Variants in SHF observed in about 807,000 individuals in gnomAD.
The protein encoded by SHF is Src homology 2 domain containing F.
In SHF, 30 loss-of-function variants were observed where a neutral mutation model predicts 42.4. That is an observed-to-expected ratio of 0.71 (90% confidence interval 0.53 to 0.96). SHF has a LOEUF of 0.96. Ranked by LOEUF, SHF falls within the 40% of genes least tolerant of loss-of-function variation. The pLI is 0.00. For missense variants in SHF, 598 were observed against 634.0 expected (o/e 0.94, Z 0.61); for synonymous variants, 264 against 269.9 (o/e 0.98, Z 0.21).
intron 6 of SHF, among the ~76,000 whole-genome samples, chr15:45,168,768 C>T (rs542692806): frequency 1.3e-5 from 2 of 152,328 alleles, no homozygotes; most frequent in East Asian, 3.9e-4. Flanking sequence ...ATTTATCCGG[C>T]CCTTCAGCCT....
At position 45,187,839 on chromosome 15, in the gene SHF, C is replaced by T; in HGVS notation, c.113G>A (p.Gly38Asp). The T allele has an allele frequency of 1.0e-6, 1 of 998,830 alleles. No individual in the cohort carries two copies. Among genetic ancestry groups the T allele is most frequent in the Non-Finnish European group, 1.3e-6 (1 of 787,008 alleles). 61.9% of individuals were successfully genotyped at this position (998,830 alleles called of 1,614,324 possible). The change falls in exon 1 of 7, where the codon GGC (glycine) becomes GAC (aspartate). Residue 38 changes from glycine to aspartate, a missense_variant. Gly to Asp is a moderately conservative substitution (Grantham distance 94). Coordinates refer to ENST00000690270, the MANE Select transcript of SHF (RefSeq NM_001394037.1). ...SRRGAGGAGA[G>D]PGGGGSGGVA... is the part of the protein sequence containing the mutation. The stretch of plus-strand genomic sequence containing the variant: ...TCCGCCGCTGCCGCCCCCTCCTGGG[C>T]CGGCTCCCGCACCCCCGGCGCCCCG...
In SHF at chr15:45,187,672, G is replaced by C; in HGVS notation, c.280C>G (p.Leu94Val). The C allele has an allele frequency of 8.2e-7, 1 of 1,224,054 alleles. No individual in the cohort carries two copies. Among genetic ancestry groups the C allele is most frequent in the East Asian group, 3.2e-5 (1 of 31,490 alleles). 75.8% of individuals were successfully genotyped at this position (1,224,054 alleles called of 1,614,324 possible). A position where few individuals can be genotyped will look rare whatever the true frequency, so the allele number is the denominator to read the frequency against. The stretch of plus-strand genomic sequence containing the variant: ...TCCCGCTGCAGCCTGTAGGCGGCCA[G>C]GATGTCCGGGGGCGGCGCGGGGGGC... ...AAPPAPPPDI[L>V]AAYRLQRERD... The change falls in exon 1 of 7, where the codon CTG becomes GTG. Residue 94 changes from leucine to valine, a missense_variant. Around this residue, in one of 2 missense-constraint regions of SHF, gnomAD observed 439 missense variants for 524.6 expected, o/e 0.84. Transcript: ENST00000690270.
chr15:45,174,808 C>A (rs187588345), intron 3 of SHF, among the ~76,000 whole-genome samples: 2 of 152,278 alleles, frequency 1.3e-5, no homozygotes, highest in African/African-American at 4.8e-5. Context: ...AGGCAGAGCC[C>A]TAGAATTCAG....
upstream of SHF, among the ~76,000 whole-genome samples, chr15:45,189,399 T>C (rs1898638120): frequency 7.2e-6 from 1 of 138,226 alleles, no homozygotes; most frequent in East Asian, 2.2e-4. Flanking sequence ...CTTTTTTTTT[T>C]TTTTTTTTTT....
chr15:45,192,525 G>T (rs1898738052), upstream of SHF, among the ~76,000 whole-genome samples: 1 of 151,828 alleles, frequency 6.6e-6, no homozygotes, highest in Non-Finnish European at 1.5e-5. Context: ...CCGCCACCAT[G>T]CCCGGCTGAT....
chr15:45,181,719 C>T (rs1006938348), intron 1 of SHF, among the ~76,000 whole-genome samples: 2 of 152,256 alleles, frequency 1.3e-5, no homozygotes, highest in African/African-American at 4.8e-5. Flanking sequence ...CTCAGCAGAT[C>T]TACATCTGAA....
intron 1 of SHF, among the ~76,000 whole-genome samples, chr15:45,186,100 C>T (rs1397813598): frequency 6.6e-6 from 1 of 152,230 alleles, no homozygotes; most frequent in Non-Finnish European, 1.5e-5. Flanking sequence ...TCCCTCTCCT[C>T]TGTCTCACTG....
intron 6 of SHF, among the ~76,000 whole-genome samples, chr15:45,169,659 T>C (rs1181405739): frequency 2.0e-5 from 3 of 152,200 alleles, no homozygotes; most frequent in African/African-American, 7.2e-5. Context: ...GGGAATTGTC[T>C]CTCCTAAAAG....
intron 2 of SHF, among the ~76,000 whole-genome samples, chr15:45,177,201 G>C (rs921111252): frequency 3.3e-5 from 5 of 152,176 alleles, no homozygotes; most frequent in African/African-American, 1.2e-4. Context: ...CTCCTGTGCT[G>C]TCTTTGACCC....
upstream of SHF, among the ~76,000 whole-genome samples, chr15:45,191,863 C>T (rs1351817033): frequency 6.7e-6 from 1 of 149,092 alleles, no homozygotes; most frequent in African/African-American, 2.5e-5. Flanking sequence ...CCGAGGTGGG[C>T]GGATCACTTG....
intron 6 of SHF, chr15:45,170,723 C>T (rs532264326): frequency 1.2e-5 from 3 of 254,832 alleles, no homozygotes; most frequent in East Asian, 1.2e-4. Flanking sequence ...GCAATATCGG[C>T]TCACTGCAAC....
upstream of SHF, among the ~76,000 whole-genome samples, chr15:45,189,127 A>C (rs1898622948): frequency 6.8e-6 from 1 of 147,468 alleles, no homozygotes; most frequent in African/African-American, 2.5e-5. Context: ...CAGGAGGCAG[A>C]GGTTGCATTG....
At chr15:45,175,086 G>C in intron 3 of SHF, 133 bp downstream of exon 3, 1 of 987,322 alleles carries the variant, frequency 1.0e-6, no homozygotes, top group South Asian at 1.6e-5. Flanking sequence ...CTATGGTACA[G>C]AACTCAACTA....
chr15:45,196,313 C>T (rs555324838), intron 2 of SHF, among the ~76,000 whole-genome samples: 2 of 152,232 alleles, frequency 1.3e-5, no homozygotes, highest in African/African-American at 4.8e-5. Flanking sequence ...AGGCTGGTCT[C>T]GAACTCCTGA....
chr15:45,187,584 A>T lies in SHF; in HGVS notation c.368T>A (p.Val123Asp), dbSNP rs1288413928. Reference sequence around the variant, plus strand: ...CGGGGGCGGCGTGGGTCCGGGGGCGACAGGGGTGGCGAGGGCGGCGGAGCC... The same window carrying T: ...CGGGGGCGGCGTGGGTCCGGGGGCGTCAGGGGTGGCGAGGGCGGCGGAGCC... Reference protein sequence around the residue: ...SSGSAALATPVAPGPTPPPRH... With the variant: ...SSGSAALATPDAPGPTPPPRH... The change falls in exon 1 of 7, where the codon GTC becomes GAC. Residue 123 changes from valine to aspartate, a missense_variant. This residue lies in a region of SHF where 439 missense variants were observed against 524.6 expected (regional missense o/e 0.84). Coordinates refer to ENST00000690270, the MANE Select transcript of SHF (RefSeq NM_001394037.1). 3 of 1,229,822 alleles carry T rather than the reference A, an allele frequency of 2.4e-6. No individual in the cohort carries two copies. Among genetic ancestry groups the T allele is most frequent in the African/African-American group, 1.6e-5 (1 of 64,128 alleles). The allele number at this position is 1,229,822 out of a possible 1,614,324, so 76.2% of individuals were successfully genotyped here. A position where few individuals can be genotyped will look rare whatever the true frequency, so the allele number is the denominator to read the frequency against.
chr15:45,189,944 G>A (rs563932279), upstream of SHF, among the ~76,000 whole-genome samples: 5 of 152,310 alleles, frequency 3.3e-5, no homozygotes, highest in South Asian at 6.2e-4. Flanking sequence ...AGGCTGCAGC[G>A]AGCTATGATT....
At chr15:45,191,263 G>C (rs1204531161), upstream of SHF, among the ~76,000 whole-genome samples, 1 of 152,146 alleles carries the variant, frequency 6.6e-6, no homozygotes, top group Non-Finnish European at 1.5e-5. Context: ...GCTCAGACTG[G>C]TCTTGAACTC....
At chr15:45,179,456 C>G (rs1397254417) in intron 1 of SHF, among the ~76,000 whole-genome samples, 5 of 137,212 alleles carry the variant, frequency 3.6e-5, no homozygotes, top group African/African-American at 1.4e-4. Flanking sequence ...TGGCCCTTCA[C>G]TTCCTACGCT....
At position 45,168,045 on chromosome 15, in the gene SHF, C is replaced by T. The variant is rs773714085; in HGVS notation, c.1369G>A (p.Val457Ile). 13 of 1,613,566 alleles carry T rather than the reference C, an allele frequency of 8.1e-6. No individual in the cohort carries two copies. The Admixed American group carries it at 1.0e-4, about 12-fold the overall frequency. Reference protein sequence around the residue: ...LGQNSPPFSSVPEIVHHYASR... With the variant: ...LGQNSPPFSSIPEIVHHYASR... ...GCATAGTGGTGCACAATTTCAGGGA[C>T]GCTGCTGAAGGGCGGGCTGTTCTGG... Residue 457 changes from valine (V) to isoleucine (I), a missense_variant, in exon 7 of 7, where the codon GTC becomes ATC. Val to Ile is a conservative substitution (Grantham distance 29). This residue lies in a region of SHF where 439 missense variants were observed against 524.6 expected (regional missense o/e 0.84). Coordinates refer to ENST00000690270, the MANE Select transcript of SHF (RefSeq NM_001394037.1).
Sources: gnomAD v4.1 joint callset for allele counts (sites outside exome capture counted in the v4.1 genomes callset) on GRCh38, gnomAD v4.1.1 for gene constraint, gnomAD v4.1.1 regional missense constraint, MANE v1.5 for transcripts, NCBI Gene and HGNC (gene_info 2026-07-23, HGNC 2026-07-21) for gene names.